Variants in PTPRD observed in about 807,000 individuals in gnomAD.
PTPRD encodes receptor-type tyrosine-protein phosphatase delta.
In PTPRD, 34 loss-of-function variants were observed where a neutral mutation model predicts 214.5. That is an observed-to-expected ratio of 0.16 (90% CI 0.12 to 0.21). PTPRD has a LOEUF of 0.21. Among genes scored for constraint, PTPRD ranks in the 10% least tolerant of loss-of-function variants. The probability of loss-of-function intolerance (pLI) is 1.00; values close to 1 mark genes in which losing one functional copy is unlikely to be tolerated. For missense variants in PTPRD, 2,545 were observed against 2,398.7 expected (o/e 1.06, Z -1.27); for synonymous variants, 1,128 against 845.7 (o/e 1.33, Z -5.79).
chr9:8,806,799 C>T (rs911734672), intron 11 of PTPRD, among the ~76,000 whole-genome samples: 6 of 152,236 alleles, frequency 3.9e-5, no homozygotes, highest in Admixed American at 3.9e-4. Context: ...TTAAAAACCA[C>T]TTTGCCCAAA....
intron 5 of PTPRD, among the ~76,000 whole-genome samples, chr9:9,898,334 A>T (rs2075562814): frequency 6.6e-6 from 1 of 152,028 alleles, no homozygotes; most frequent in African/African-American, 2.4e-5. Context: ...AATGAAGGAG[A>T]TAGATTTTAA....
intron 37 of PTPRD, among the ~76,000 whole-genome samples, chr9:8,386,305 C>A (rs898367812): frequency 6.6e-6 from 1 of 152,162 alleles, no homozygotes; most frequent in Non-Finnish European, 1.5e-5. Flanking sequence ...CCATGCAGTC[C>A]TGCGTAATAT....
intron 5 of PTPRD, among the ~76,000 whole-genome samples, chr9:9,815,002 T>C (rs1014163961): frequency 6.6e-6 from 1 of 151,906 alleles, no homozygotes; most frequent in East Asian, 1.9e-4. Context: ...GCTCAAGTGC[T>C]TCACCCACCT....
chr9:8,578,194 T>C (rs963441445), intron 14 of PTPRD, among the ~76,000 whole-genome samples: 2 of 152,174 alleles, frequency 1.3e-5, no homozygotes, highest in African/African-American at 4.8e-5. Context: ...TGCCAATAGT[T>C]TTCTTATGAT....
chr9:10,493,528 G>A (rs1446067753), intron 2 of PTPRD, among the ~76,000 whole-genome samples: 1 of 151,984 alleles, frequency 6.6e-6, no homozygotes, highest in Non-Finnish European at 1.5e-5. Flanking sequence ...AATGGTGTTG[G>A]GAAAATTGGC....
intron 2 of PTPRD, among the ~76,000 whole-genome samples, chr9:10,599,575 A>G (rs1426262630): frequency 6.6e-6 from 1 of 151,818 alleles, no homozygotes; most frequent in African/African-American, 2.4e-5. Context: ...ATGGGCATAA[A>G]TAAACAAATA....
chr9:9,920,993 A>G (rs1396455919), intron 5 of PTPRD, among the ~76,000 whole-genome samples: 1 of 152,122 alleles, frequency 6.6e-6, no homozygotes, highest in East Asian at 1.9e-4. Flanking sequence ...AGGCTTATCA[A>G]TTCATTACTA....
intron 2 of PTPRD, among the ~76,000 whole-genome samples, chr9:10,548,832 G>C (rs1046631570): frequency 1.3e-5 from 2 of 152,130 alleles, no homozygotes; most frequent in African/African-American, 4.8e-5. Context: ...AAGTCTCCAT[G>C]GGGGAAAGAA....
At chr9:9,049,352 T>C (rs951648135) in intron 10 of PTPRD, among the ~76,000 whole-genome samples, 4 of 152,184 alleles carry the variant, frequency 2.6e-5, no homozygotes, top group Non-Finnish European at 4.4e-5. Context: ...AAAAACTGAA[T>C]TGCAAAAAGT....
chr9:9,569,011 A>G (rs1464900986), intron 8 of PTPRD, among the ~76,000 whole-genome samples: 1 of 151,838 alleles, frequency 6.6e-6, no homozygotes, highest in Non-Finnish European at 1.5e-5. Context: ...AGGCAAAGAC[A>G]CTGGGGAAAG....
rs575313709 is a variant in PTPRD at position 8,878,770 on chromosome 9, C to A, written c.-104+139927G>T. 2.0e-5 allele frequency among the ~76,000 whole-genome samples: 3 copies of A among 152,300 alleles called. No homozygotes were observed. In the East Asian group the frequency reaches 5.8e-4, roughly 29 times the overall value. ...CTTGAATGCCTGGACTCAAGCAATT[C>A]TCCCACCTTGGCCTCCCAAAGTTAT... On this transcript the variant is annotated intron_variant, in intron 11 of 45. Coordinates refer to ENST00000381196, the MANE Select transcript of PTPRD (RefSeq NM_002839.4).
rs71317383 is a variant in PTPRD at position 8,933,340 on chromosome 9, G to GTTTTTTTTTTTTTTTTTTTTTTTTT, written c.-104+85356_-104+85357insAAAAAAAAAAAAAAAAAAAAAAAAA. ...CCATCTTGCCAGCCACAACCTTGAG[G>GTTTTTTTTTTTTTTTTTTTTTTTTT]TTTTTTTTTTTTTTTTTTTTTTTAC... On this transcript the variant is annotated intron_variant, in intron 11 of 45. Transcript: ENST00000381196. Among the ~76,000 whole-genome samples, 89 of 80,400 alleles carry GTTTTTTTTTTTTTTTTTTTTTTTTT rather than the reference G, an allele frequency of 1.1e-3. 19 individuals are homozygous for GTTTTTTTTTTTTTTTTTTTTTTTTT. The highest frequency in any genetic ancestry group is 1.3e-3 in the African/African-American group (25 of 19,770). The allele number at this position is 80,400 out of a possible 152,430, so 52.7% of individuals were successfully genotyped here. A position where few individuals can be genotyped will look rare whatever the true frequency, so the allele number is the denominator to read the frequency against.
intron 2 of PTPRD, among the ~76,000 whole-genome samples, chr9:10,445,332 T>A (rs1023910425): frequency 4.6e-5 from 7 of 151,988 alleles, no homozygotes; most frequent in African/African-American, 1.7e-4. Context: ...AAAAGAAATG[T>A]TGTTGGAGTT....
chr9:10,309,280 G>T (rs1158920911), intron 3 of PTPRD, among the ~76,000 whole-genome samples: 1 of 151,758 alleles, frequency 6.6e-6, no homozygotes, highest in African/African-American at 2.4e-5. Context: ...CTTAAAAAAT[G>T]GCTTATTAAT....
chr9:10,421,624 G>A (rs1003146429), intron 2 of PTPRD, among the ~76,000 whole-genome samples: 13 of 151,814 alleles, frequency 8.6e-5, no homozygotes, highest in African/African-American at 3.1e-4. Flanking sequence ...ACAAAGCATT[G>A]CATACCATAT....
At chr9:9,355,115 G>A (rs138169963) in intron 9 of PTPRD, among the ~76,000 whole-genome samples, 7 of 151,840 alleles carry the variant, frequency 4.6e-5, no homozygotes, top group African/African-American at 9.6e-5. Context: ...ACAATTTGGT[G>A]AGTGTGGTAT....
At chr9:9,405,997 T>C (rs2073168089) in intron 8 of PTPRD, among the ~76,000 whole-genome samples, 2 of 152,004 alleles carry the variant, frequency 1.3e-5, no homozygotes, top group South Asian at 4.1e-4. Context: ...TGCTATTATT[T>C]TCCCTGTGCA....
At chr9:9,747,312 C>G (rs1458669330) in intron 6 of PTPRD, among the ~76,000 whole-genome samples, 2 of 151,994 alleles carry the variant, frequency 1.3e-5, no homozygotes, top group Non-Finnish European at 2.9e-5. Flanking sequence ...GGAACCCTCC[C>G]AAGAAAACAT....
intron 9 of PTPRD, among the ~76,000 whole-genome samples, chr9:9,225,841 T>C (rs1257189567): frequency 6.6e-6 from 1 of 151,968 alleles, no homozygotes; most frequent in Non-Finnish European, 1.5e-5. Context: ...CTTTAGGGTA[T>C]TTAGGAAGGT....
Sources: allele counts gnomAD v4.1 joint callset (sites outside exome capture counted in the v4.1 genomes callset), GRCh38; gene constraint gnomAD v4.1.1; transcripts MANE v1.5; gene names NCBI Gene and HGNC (gene_info 2026-07-23, HGNC 2026-07-21).